EIF3E: variants seen among roughly 807,000 people sequenced by gnomAD.
EIF3E encodes the protein eIF-3 p48.
EIF3E carries 25 observed loss-of-function variants against 59.3 expected under a neutral mutation model. The observed-to-expected ratio is 0.42, with a 90% CI of 0.31 to 0.59. The LOEUF (loss-of-function observed/expected upper bound fraction) is 0.59, where lower values mean the gene tolerates loss of function less well. EIF3E is among the 20% of genes least tolerant of loss of function. EIF3E has a pLI of 0.15. For synonymous variants in EIF3E, 176 were observed against 170.2 expected (o/e 1.03, Z -0.26); for missense variants, 317 against 534.3 (o/e 0.59, Z 4.01).
At chr8:108,221,922 AGC>A (rs1486531763) in intron 7 of EIF3E, among the ~76,000 whole-genome samples, 2 of 152,164 alleles carry the variant, frequency 1.3e-5, no homozygotes, top group Non-Finnish European at 2.9e-5. Flanking sequence ...ACATTTTTTT[AGC>A]CAATTAAAAT....
chr8:108,221,673 G>A (rs1301963159), intron 7 of EIF3E: 1 of 152,052 alleles, frequency 6.6e-6, no homozygotes, highest in African/African-American at 2.4e-5. Context: ...ACACTGTCCA[G>A]GTATAACTGG....
chr8:108,202,833 A>G, intron 12 of EIF3E, 150 bp downstream of exon 12: 1 of 872,708 alleles, frequency 1.1e-6, no homozygotes, highest in Non-Finnish European at 1.6e-6. Flanking sequence ...ATCTAAGAAA[A>G]AATTTTCTGT....
In EIF3E at chr8:108,228,978, T is replaced by A. The variant is rs976517659; in HGVS notation, c.597+92A>T. The A allele has an allele frequency of 8.9e-5, 117 of 1,319,734 alleles. 1 individual carries two copies. Among genetic ancestry groups the A allele is most frequent in the Non-Finnish European group, 1.1e-4 (111 of 1,009,802 alleles). The allele number at this position is 1,319,734 out of a possible 1,614,324, so 81.8% of individuals were successfully genotyped here. A position where few individuals can be genotyped will look rare whatever the true frequency, so the allele number is the denominator to read the frequency against. On this transcript the variant is annotated intron_variant, in intron 6 of 12. Transcript: ENST00000220849. Reference sequence around the variant, plus strand: ...AAAAGCTAATATGAATTTTTTTTTTTAATTCCCAAAATGCATAGTGATTTT... The same window carrying A: ...AAAAGCTAATATGAATTTTTTTTTTAAATTCCCAAAATGCATAGTGATTTT...
chr8:108,221,061 A>AGGATGAAAAGAAAAAGAAAAAGAACTGG (rs1815402149), intron 7 of EIF3E, among the ~76,000 whole-genome samples: 1 of 152,184 alleles, frequency 6.6e-6, no homozygotes, highest in South Asian at 2.1e-4. Context: ...AGGACAGGAC[A>AGGATGAAAAGAAAAAGAAAAAGAACTGG]GGATGAAAAG....
chr8:108,228,375 A>G lies in EIF3E; in HGVS notation c.614T>C (p.Leu205Pro), dbSNP rs749515394. The G allele has an allele frequency of 1.3e-6, 2 of 1,558,168 alleles. No homozygotes were observed. The highest frequency in any genetic ancestry group is 1.7e-6 in the Non-Finnish European group (2 of 1,153,762). The change falls in exon 7 of 13, where the codon CTT (leucine) becomes CCT (proline). Residue 205 changes from leucine to proline, a missense_variant. Around this residue, in one of 4 missense-constraint regions of EIF3E, gnomAD observed 242 missense variants for 398.0 expected, o/e 0.61. Coordinates refer to ENST00000220849, the MANE Select transcript of EIF3E (RefSeq NM_001568.3). Reference protein sequence around the residue: ...TIDNNSVSSPLQSLQQRTWLI... With the variant: ...TIDNNSVSSPPQSLQQRTWLI... ...CCATGTTCTCTGCTGAAGAGACTGAAGTGGAGAACTCACAGACTAAAGGAT... is the reference window on the plus strand; with the variant it reads ...CCATGTTCTCTGCTGAAGAGACTGAGGTGGAGAACTCACAGACTAAAGGAT...
At chr8:108,227,404 T>C (rs922465774) in intron 7 of EIF3E, 1 of 152,160 alleles carries the variant, frequency 6.6e-6, no homozygotes, top group African/African-American at 2.4e-5. Context: ...ACTGCTAAAA[T>C]TGCTACTGCA....
chr8:108,241,982 TA>T (rs1815844986), intron 1 of EIF3E, 69 bp from the exon 2 acceptor site: 2 of 1,229,574 alleles, frequency 1.6e-6, no homozygotes, highest in Non-Finnish European at 2.3e-6. Flanking sequence ...ATACTAAAAC[TA>T]ATTTACCTGG....
At chr8:108,216,135 A>G (rs1386069933) in intron 9 of EIF3E, among the ~76,000 whole-genome samples, 2 of 152,170 alleles carry the variant, frequency 1.3e-5, no homozygotes, top group Admixed American at 6.5e-5. Flanking sequence ...ATTACCCCCA[A>G]TGTTTTAACA....
intron 2 of EIF3E, 27 bp downstream of exon 2, chr8:108,241,772 A>T: frequency 7.2e-7 from 1 of 1,381,050 alleles, no homozygotes. Flanking sequence ...TCACAAGACA[A>T]GTTTCAGTTC....
intron 7 of EIF3E, 117 bp downstream of exon 7, chr8:108,228,149 GA>G (rs979189064): frequency 5.1e-3 from 4,871 of 949,048 alleles, no homozygotes; most frequent in South Asian, 7.5e-3. Context: ...ACTACATGAA[GA>G]AAAAAAAAAA....
rs373190569 is a variant in EIF3E at position 108,217,318 on chromosome 8, T to C, written c.849+16A>G. The C allele has an allele frequency of 1.2e-5, 18 of 1,509,750 alleles. No individual in the cohort carries two copies. The highest frequency in any genetic ancestry group is 2.5e-5 in the East Asian group (1 of 40,518). 93.5% of individuals were successfully genotyped at this position (1,509,750 alleles called of 1,614,324 possible). A position where few individuals can be genotyped will look rare whatever the true frequency, so the allele number is the denominator to read the frequency against. ...AGGTATTTAAAAAAAAAAATCAATA[T>C]ATATTTTAGTTTTACCTGTTGAATA... On this transcript the variant is annotated intron_variant, in intron 8 of 12. Transcript: ENST00000220849.
Position 108,241,985 on chromosome 8 carries a change from T to C in EIF3E, c.91-72A>G, listed in dbSNP as rs1406874591. ...ATAAACTGATTAATACTAAAACTAA[T>C]TTACCTGGAAATATATTTCAAGAAA... On this transcript the variant is annotated intron_variant, in intron 1 of 12. Transcript: ENST00000220849. 11 of 1,225,978 alleles carry C rather than the reference T, an allele frequency of 9.0e-6. No individual in the cohort carries two copies. In the East Asian group the frequency reaches 2.5e-4, roughly 28 times the overall value. The allele number at this position is 1,225,978 out of a possible 1,614,324, so 75.9% of individuals were successfully genotyped here. A position where few individuals can be genotyped will look rare whatever the true frequency, so the allele number is the denominator to read the frequency against.
At chr8:108,216,616 A>G (rs1815310636) in intron 8 of EIF3E, 103 bp from the exon 9 acceptor site, 3 of 789,676 alleles carry the variant, frequency 3.8e-6, no homozygotes, top group Non-Finnish European at 6.1e-6. Flanking sequence ...TTTACCATTA[A>G]TTTCTAGCCA....
chr8:108,202,359 G>T (rs550275420), intron 12 of EIF3E, among the ~76,000 whole-genome samples: 4 of 151,958 alleles, frequency 2.6e-5, no homozygotes, highest in Non-Finnish European at 5.9e-5. Flanking sequence ...ATCAAATGGG[G>T]TCTCTGCATA....
At chr8:108,209,982 G>A (rs1031143357) in intron 10 of EIF3E, among the ~76,000 whole-genome samples, 5 of 151,876 alleles carry the variant, frequency 3.3e-5, no homozygotes, top group African/African-American at 1.2e-4. Context: ...AAAGGACATA[G>A]GGGGTCTTTT....
At chr8:108,216,270 G>A in intron 9 of EIF3E, 142 bp downstream of exon 9, 3 of 609,228 alleles carry the variant, frequency 4.9e-6, no homozygotes, top group Non-Finnish European at 8.3e-6. Context: ...ATAAACATGA[G>A]CCATTTAGGC....
chr8:108,219,297 G>A (rs901992328), intron 7 of EIF3E, among the ~76,000 whole-genome samples: 1 of 152,118 alleles, frequency 6.6e-6, no homozygotes, highest in Non-Finnish European at 1.5e-5. Context: ...GTTTCTGTGA[G>A]TGTATTTCAG....
chr8:108,224,433 T>C (rs1815481256), intron 7 of EIF3E, among the ~76,000 whole-genome samples: 1 of 151,346 alleles, frequency 6.6e-6, no homozygotes, highest in Admixed American at 6.6e-5. Flanking sequence ...TAAATAGCTC[T>C]CCCACTTCAA....
At chr8:108,207,450 A>G (rs1815125195) in intron 10 of EIF3E, among the ~76,000 whole-genome samples, 1 of 152,182 alleles carries the variant, frequency 6.6e-6, no homozygotes, top group East Asian at 1.9e-4. Context: ...TTTTAAAAAG[A>G]CAAAAAGTTG....
Sources: gnomAD v4.1 joint callset for allele counts (sites outside exome capture counted in the v4.1 genomes callset) on GRCh38, gnomAD v4.1.1 for gene constraint, gnomAD v4.1.1 regional missense constraint, MANE v1.5 for transcripts, NCBI Gene and HGNC (gene_info 2026-07-23, HGNC 2026-07-21) for gene names.